The following CACNA2D3 variants were observed in gnomAD, a reference collection of about 807,000 sequenced individuals.
CACNA2D3 encodes the protein voltage-dependent calcium channel subunit alpha-2/delta-3.
In CACNA2D3, 60 loss-of-function variants were observed where a neutral mutation model predicts 160.6. That is an observed-to-expected ratio of 0.37 (90% CI 0.30 to 0.46). CACNA2D3 has a LOEUF of 0.46. Ranked by LOEUF, CACNA2D3 falls within the 20% of genes least tolerant of loss-of-function variation. The pLI, the probability that CACNA2D3 is intolerant of heterozygous loss-of-function variation, is 1.00. For synonymous variants in CACNA2D3, 558 were observed against 492.9 expected (o/e 1.13, Z -1.75); for missense variants, 1,205 against 1,365.0 (o/e 0.88, Z 1.85).
chr3:54,422,478 T>C (rs1030502995), intron 4 of CACNA2D3, among the ~76,000 whole-genome samples: 1 of 151,780 alleles, frequency 6.6e-6, no homozygotes, highest in Non-Finnish European at 1.5e-5. Context: ...AACAACAATA[T>C]CAAAATAAAA....
intron 13 of CACNA2D3, among the ~76,000 whole-genome samples, chr3:54,766,823 G>C (rs1702233590): frequency 6.6e-6 from 1 of 151,062 alleles, no homozygotes; most frequent in South Asian, 2.1e-4. Flanking sequence ...TAAGTAAAAT[G>C]AGCAAAATCA....
intron 3 of CACNA2D3, among the ~76,000 whole-genome samples, chr3:54,331,099 A>T (rs745516830): frequency 2.6e-5 from 4 of 152,164 alleles, no homozygotes; most frequent in Admixed American, 6.5e-5. Context: ...AATTAATCAC[A>T]TCAGAATTGT....
intron 2 of CACNA2D3, among the ~76,000 whole-genome samples, chr3:54,149,929 C>CTCTT (rs1700112739): frequency 1.5e-4 from 8 of 53,988 alleles, no homozygotes; most frequent in African/African-American, 8.1e-4. Flanking sequence ...CTCTCTCTCT[C>CTCTT]TCCCTCCCTC....
At chr3:54,424,614 A>C (rs1251209092) in intron 4 of CACNA2D3, among the ~76,000 whole-genome samples, 1 of 151,668 alleles carries the variant, frequency 6.6e-6, no homozygotes, top group Non-Finnish European at 1.5e-5. Flanking sequence ...GCTGAGCTGC[A>C]GATGGAGCCA....
At chr3:54,160,003 GTTTC>G (rs1475576077) in intron 2 of CACNA2D3, among the ~76,000 whole-genome samples, 2 of 152,092 alleles carry the variant, frequency 1.3e-5, no homozygotes, top group African/African-American at 2.4e-5. Context: ...CTGTAATCTT[GTTTC>G]TTTCTTCTAG....
chr3:54,251,019 G>A (rs140955286), intron 2 of CACNA2D3, among the ~76,000 whole-genome samples: 52 of 152,292 alleles, frequency 3.4e-4, no homozygotes, highest in African/African-American at 1.3e-3. Context: ...CAAAAGCTCC[G>A]AGGCAGCACT....
At chr3:54,183,341 G>T (rs921066063) in intron 2 of CACNA2D3, among the ~76,000 whole-genome samples, 3 of 151,882 alleles carry the variant, frequency 2.0e-5, no homozygotes, top group Non-Finnish European at 2.9e-5. Context: ...AGCAGCTGTG[G>T]GGTTTGTGGT....
intron 11 of CACNA2D3, among the ~76,000 whole-genome samples, chr3:54,644,284 A>G (rs1559537200): frequency 6.6e-6 from 1 of 152,102 alleles, no homozygotes; most frequent in Admixed American, 6.5e-5. Context: ...AGTTTCATCT[A>G]CTTATCAAGT....
chr3:54,855,300 G>A (rs1339421294), intron 17 of CACNA2D3, among the ~76,000 whole-genome samples: 2 of 152,200 alleles, frequency 1.3e-5, no homozygotes, highest in Non-Finnish European at 2.9e-5. Flanking sequence ...CCGGGCTCCG[G>A]CACCTGCTTC....
chr3:54,906,920 G>A (rs1341378285), intron 27 of CACNA2D3, among the ~76,000 whole-genome samples: 1 of 152,152 alleles, frequency 6.6e-6, no homozygotes, highest in Non-Finnish European at 1.5e-5. Context: ...TAGAGCAGCT[G>A]CTCTGCATAC....
At chr3:54,218,272 G>A (rs1469575241) in intron 2 of CACNA2D3, among the ~76,000 whole-genome samples, 6 of 152,208 alleles carry the variant, frequency 3.9e-5, no homozygotes, top group South Asian at 2.1e-4. Flanking sequence ...TAAGGGTGGC[G>A]TGCAGGTGGA....
At chr3:54,593,845 A>C (rs11705818) in intron 9 of CACNA2D3, among the ~76,000 whole-genome samples, 38,873 of 152,136 alleles carry the variant, frequency 0.26, 5,167 homozygotes, top group Admixed American at 0.34. Flanking sequence ...AATGATGCAT[A>C]ATGCAAAATA....
chr3:54,678,870 G>C (rs551243343), intron 11 of CACNA2D3, among the ~76,000 whole-genome samples: 12 of 152,102 alleles, frequency 7.9e-5, no homozygotes, highest in African/African-American at 2.9e-4. Context: ...GTTATGATTA[G>C]GCAAGTGTAG....
intron 4 of CACNA2D3, among the ~76,000 whole-genome samples, chr3:54,431,747 A>G (rs1025078493): frequency 6.6e-6 from 1 of 152,104 alleles, no homozygotes; most frequent in East Asian, 1.9e-4. Context: ...AGCTGGGATT[A>G]TAAGTGGTGC....
chr3:54,791,095 GTTTC>G, intron 13 of CACNA2D3, among the ~76,000 whole-genome samples: 1 of 152,056 alleles, frequency 6.6e-6, no homozygotes, highest in South Asian at 2.1e-4. Flanking sequence ...TCCAAGAAGA[GTTTC>G]TTTCTCTGAG....
intron 11 of CACNA2D3, among the ~76,000 whole-genome samples, chr3:54,719,157 G>T (rs1024758969): frequency 1.3e-4 from 18 of 135,896 alleles, no homozygotes; most frequent in African/African-American, 5.2e-4. Flanking sequence ...AAGTTGCACT[G>T]GATTTCTTTT....
intron 4 of CACNA2D3, among the ~76,000 whole-genome samples, chr3:54,479,997 A>G (rs1044055059): frequency 1.3e-5 from 2 of 152,118 alleles, no homozygotes; most frequent in Non-Finnish European, 2.9e-5. Context: ...TAGCCAAAAT[A>G]TGAGAATTGT....
chr3:54,223,709 T>C (rs150326079), intron 2 of CACNA2D3, among the ~76,000 whole-genome samples: 22 of 151,930 alleles, frequency 1.4e-4, no homozygotes, highest in African/African-American at 5.3e-4. Context: ...CAAAAATTTG[T>C]GGGGCGTAGT....
At chr3:54,575,158 C>A (rs144153557) in intron 8 of CACNA2D3, among the ~76,000 whole-genome samples, 1 of 152,336 alleles carries the variant, frequency 6.6e-6, no homozygotes, top group African/African-American at 2.4e-5. Context: ...TGCTTTATTA[C>A]ATAATCCCTA....
Sources: allele counts gnomAD v4.1 joint callset (sites outside exome capture counted in the v4.1 genomes callset), GRCh38; gene constraint gnomAD v4.1.1; transcripts MANE v1.5; gene names NCBI Gene and HGNC (gene_info 2026-07-23, HGNC 2026-07-21).